Variants in TMCC1 observed in about 807,000 individuals in gnomAD.
TMCC1 encodes the protein transmembrane and coiled-coil domain family 1.
TMCC1 carries 15 observed loss-of-function variants against 52.4 expected under a neutral mutation model. The ratio of observed to expected loss-of-function variants is 0.29; its 90% CI spans 0.19 to 0.44. TMCC1 has a LOEUF of 0.44. TMCC1 is among the 20% of genes least tolerant of loss of function. The pLI is 1.00. For missense variants in TMCC1, 503 were observed against 806.0 expected (o/e 0.62, Z 4.55); for synonymous variants, 279 against 301.9 (o/e 0.92, Z 0.79).
At chr3:129,679,143 A>G (rs1274319703) in intron 4 of TMCC1, among the ~76,000 whole-genome samples, 1 of 152,142 alleles carries the variant, frequency 6.6e-6, no homozygotes, top group Non-Finnish European at 1.5e-5. Flanking sequence ...TTGTTCCTGG[A>G]ACATGAGAGA....
intron 6 of TMCC1, among the ~76,000 whole-genome samples, chr3:129,653,607 C>A (rs2086484024): frequency 6.6e-6 from 1 of 152,142 alleles, no homozygotes; most frequent in South Asian, 2.1e-4. Flanking sequence ...ACATGCCCGG[C>A]TAATTTTTGT....
At chr3:129,760,824 C>A (rs968345072) in intron 4 of TMCC1, among the ~76,000 whole-genome samples, 1 of 150,980 alleles carries the variant, frequency 6.6e-6, no homozygotes, top group Non-Finnish European at 1.5e-5. Context: ...GTTGCCCAGG[C>A]TGGTCTTGAA....
At chr3:129,804,437 T>C (rs990377393) in intron 4 of TMCC1, among the ~76,000 whole-genome samples, 1 of 152,198 alleles carries the variant, frequency 6.6e-6, no homozygotes, top group South Asian at 2.1e-4. Context: ...TTTACCTCCA[T>C]TAGGCCTCCC....
At chr3:129,815,657 T>C (rs2058061307) in intron 4 of TMCC1, among the ~76,000 whole-genome samples, 2 of 152,096 alleles carry the variant, frequency 1.3e-5, no homozygotes, top group African/African-American at 2.4e-5. Flanking sequence ...GAAGAAATCA[T>C]TGGGGAAATG....
At chr3:129,818,057 A>C (rs1390732478) in intron 4 of TMCC1, among the ~76,000 whole-genome samples, 1 of 151,800 alleles carries the variant, frequency 6.6e-6, no homozygotes, top group Non-Finnish European at 1.5e-5. Context: ...TGATCCACCC[A>C]CCTCGGCCTC....
intron 4 of TMCC1, among the ~76,000 whole-genome samples, chr3:129,692,299 A>G (rs1159740697): frequency 3.9e-5 from 6 of 152,376 alleles, no homozygotes; most frequent in East Asian, 1.9e-4. Context: ...AGCTTTTTAT[A>G]TCAATAGCAA....
chr3:129,682,669 T>A (rs961094215), intron 4 of TMCC1, among the ~76,000 whole-genome samples: 1 of 152,154 alleles, frequency 6.6e-6, no homozygotes, highest in Non-Finnish European at 1.5e-5. Context: ...TACATGAATA[T>A]CCTTCTGTGT....
intron 4 of TMCC1, among the ~76,000 whole-genome samples, chr3:129,783,062 A>T (rs564823957): frequency 1.3e-5 from 2 of 152,214 alleles, no homozygotes; most frequent in Non-Finnish European, 2.9e-5. Context: ...AAAACTTTAC[A>T]AAGCCAAACA....
intron 2 of TMCC1, among the ~76,000 whole-genome samples, chr3:129,858,700 T>C (rs934126450): frequency 1.4e-4 from 22 of 152,118 alleles, no homozygotes; most frequent in Admixed American, 1.4e-3. Flanking sequence ...ATGTTTTCTA[T>C]ACTCAGGATC....
At chr3:129,654,939 T>A in intron 6 of TMCC1, 29 bp downstream of exon 6, 1 of 1,609,776 alleles carries the variant, frequency 6.2e-7, no homozygotes, top group Non-Finnish European at 8.5e-7. Flanking sequence ...TACTGTATTT[T>A]GCATTTACAC....
intron 4 of TMCC1, chr3:129,819,846 C>A (rs1263556955): frequency 6.6e-6 from 1 of 151,952 alleles, no homozygotes; most frequent in African/African-American, 2.4e-5. Context: ...AAGAAGATGA[C>A]ACAAAAACTC....
intron 1 of TMCC1, among the ~76,000 whole-genome samples, chr3:129,882,550 GAT>G (rs1328885568): frequency 6.6e-6 from 1 of 152,146 alleles, no homozygotes; most frequent in African/African-American, 2.4e-5. Context: ...GTCTGTAAGA[GAT>G]ATCTGTACAG....
In TMCC1 at chr3:129,671,039, T is replaced by G; in HGVS notation, c.802A>C (p.Ser268Arg). The G allele has an allele frequency of 1.2e-6, 2 of 1,614,212 alleles. No individual in the cohort carries two copies. The highest frequency in any genetic ancestry group is 1.7e-6 in the Non-Finnish European group (2 of 1,180,030). The change falls in exon 5 of 7, where the codon AGT becomes CGT. Residue 268 changes from serine (S) to arginine (R), a missense_variant. Physicochemically the swap from Ser to Arg is moderately radical, Grantham distance 110. Around this residue, in one of 7 missense-constraint regions of TMCC1, gnomAD observed 73 missense variants for 182.9 expected, o/e 0.40. Transcript: ENST00000393238. ...CGGGCAGCCTGCTGTTTGTCTGCAC[T>G]GTTGGCAAGCTTCAAGTATTCAGCA... is the stretch of plus-strand genomic sequence containing the variant. ...NVAEYLKLANSADKQQAARIK... is the reference protein window; with the variant it reads ...NVAEYLKLANRADKQQAARIK...
At chr3:129,695,423 G>C (rs1053675411) in intron 4 of TMCC1, among the ~76,000 whole-genome samples, 2 of 152,128 alleles carry the variant, frequency 1.3e-5, no homozygotes, top group African/African-American at 2.4e-5. Flanking sequence ...ACCGAAGACT[G>C]GGTAATTTAT....
intron 2 of TMCC1, among the ~76,000 whole-genome samples, chr3:129,867,338 C>T (rs1292235144): frequency 6.6e-6 from 1 of 152,156 alleles, no homozygotes; most frequent in African/African-American, 2.4e-5. Flanking sequence ...TCTTCTTCAA[C>T]ATTACAAATA....
Position 129,670,563 on chromosome 3 carries a change from G to A in TMCC1, c.1278C>T (p.Ala426=). 6.2e-7 allele frequency: 1 copy of A among 1,614,166 alleles called. No individual in the cohort carries two copies. ...KYGSEEDCSS[A]TSGSVGANST... is the part of the protein sequence containing the mutation. ...TGTTGGCTCCCACTGAGCCTGAAGT[G>A]GCACTAGAACAATCTTCTTCACTAC... is the stretch of plus-strand genomic sequence containing the variant. Residue 426 remains alanine, a synonymous_variant, in exon 5 of 7, where the codon GCC becomes GCT. Coordinates refer to ENST00000393238, the MANE Select transcript of TMCC1 (RefSeq NM_001017395.5).
intron 4 of TMCC1, among the ~76,000 whole-genome samples, chr3:129,818,525 T>C (rs56831455): frequency 0.038 from 54 of 1,410 alleles, 2 homozygotes; most frequent in Non-Finnish European, 0.053. Context: ...AGAAAAGTTT[T>C]AAAGAAACTT....
intron 5 of TMCC1, among the ~76,000 whole-genome samples, chr3:129,655,658 G>C (rs1255389492): frequency 6.6e-6 from 1 of 152,220 alleles, no homozygotes; most frequent in Non-Finnish European, 1.5e-5. Flanking sequence ...CTGAGAGCCT[G>C]CTATGTACCA....
At chr3:129,756,937 G>C (rs1220613415) in intron 4 of TMCC1, among the ~76,000 whole-genome samples, 1 of 152,162 alleles carries the variant, frequency 6.6e-6, no homozygotes, top group Non-Finnish European at 1.5e-5. Flanking sequence ...TCATAAATTT[G>C]TTTAATATAG....
Sources: gnomAD v4.1 joint callset for allele counts (sites outside exome capture counted in the v4.1 genomes callset) on GRCh38, gnomAD v4.1.1 for gene constraint, gnomAD v4.1.1 regional missense constraint, MANE v1.5 for transcripts, NCBI Gene and HGNC (gene_info 2026-07-23, HGNC 2026-07-21) for gene names.